Variants in MCMBP observed in about 807,000 individuals in gnomAD.
MCMBP encodes the protein mini-chromosome maintenance complex-binding protein.
Under a neutral mutation model 81.3 loss-of-function variants are expected in MCMBP, and 31 were observed. That is an observed-to-expected ratio of 0.38 (90% confidence interval 0.29 to 0.51). The LOEUF is 0.51. Among genes scored for constraint, MCMBP ranks in the 20% least tolerant of loss-of-function variants. MCMBP has a pLI of 0.87. For synonymous variants in MCMBP, 267 were observed against 275.9 expected (o/e 0.97, Z 0.32); for missense variants, 645 against 772.1 (o/e 0.84, Z 1.95).
chr10:119,832,404 A>G (rs568196264), intron 14 of MCMBP, among the ~76,000 whole-genome samples: 1 of 152,308 alleles, frequency 6.6e-6, no homozygotes, highest in African/African-American at 2.4e-5. Flanking sequence ...AACTGTCTCT[A>G]CTGTTAACAC....
intron 7 of MCMBP, among the ~76,000 whole-genome samples, chr10:119,848,352 C>T (rs1333719161): frequency 6.6e-6 from 1 of 152,110 alleles, no homozygotes; most frequent in Non-Finnish European, 1.5e-5. Flanking sequence ...TGGCTCACCC[C>T]TGGAATCCCA....
At chr10:119,836,811 ATT>A in intron 13 of MCMBP, 83 bp downstream of exon 13, 2 of 490,548 alleles carry the variant, frequency 4.1e-6, no homozygotes, top group Non-Finnish European at 3.2e-6. Context: ...AATGTAACTT[ATT>A]AATAAGCGGT....
intron 14 of MCMBP, among the ~76,000 whole-genome samples, chr10:119,832,844 G>A (rs1852095575): frequency 1.3e-5 from 2 of 152,172 alleles, no homozygotes; most frequent in African/African-American, 2.4e-5. Flanking sequence ...TAACAGCTGC[G>A]GCAGACAGAC....
Position 119,829,956 on chromosome 10 carries a change from A to AT in MCMBP, c.*1517dup, listed in dbSNP as rs1851942228. ...GCTCTAGGACAATTAAAGAAAATGTATTTTATCCTCACAAATCCAGTGAAG... is the reference window on the plus strand; with the variant it reads ...GCTCTAGGACAATTAAAGAAAATGTATTTTTATCCTCACAAATCCAGTGAAG... On this transcript the variant is annotated 3_prime_UTR_variant, in exon 16 of 16. Coordinates refer to ENST00000369077, the MANE Select transcript of MCMBP (RefSeq NM_001256378.2). The AT allele has an allele frequency of 6.6e-6, 1 of 152,660 alleles. No individual in the cohort carries two copies. The highest frequency in any genetic ancestry group is 1.5e-5 in the Non-Finnish European group (1 of 68,038). 9.5% of individuals were successfully genotyped at this position (152,660 alleles called of 1,614,324 possible). A position where few individuals can be genotyped will look rare whatever the true frequency, so the allele number is the denominator to read the frequency against.
intron 5 of MCMBP, 77 bp downstream of exon 5, chr10:119,857,261 C>G (rs1176220630): frequency 9.5e-7 from 1 of 1,055,896 alleles, no homozygotes; most frequent in Non-Finnish European, 1.4e-6. Flanking sequence ...TAAAGCCAAG[C>G]TTTGCAAAGG....
At chr10:119,843,585 T>TA (rs1244820598) in intron 8 of MCMBP, among the ~76,000 whole-genome samples, 159 bp from the exon 9 acceptor site, 3 of 152,230 alleles carry the variant, frequency 2.0e-5, no homozygotes, top group African/African-American at 7.2e-5. Flanking sequence ...TCTAAAGTGT[T>TA]ACATCACACA....
At chr10:119,847,098 CACT>C (rs1852643157) in intron 8 of MCMBP, among the ~76,000 whole-genome samples, 1 of 151,902 alleles carries the variant, frequency 6.6e-6, no homozygotes, top group African/African-American at 2.4e-5. Context: ...AAGAGAGTTA[CACT>C]AATACAGAAA....
At chr10:119,850,773 A>T (rs1412938187) in intron 6 of MCMBP, among the ~76,000 whole-genome samples, 1 of 151,822 alleles carries the variant, frequency 6.6e-6, no homozygotes. Flanking sequence ...AAGGAAAAAA[A>T]ATGATTGTAT....
chr10:119,865,695 C>A (rs534645760), intron 1 of MCMBP, among the ~76,000 whole-genome samples: 3 of 152,074 alleles, frequency 2.0e-5, no homozygotes, highest in Non-Finnish European at 2.9e-5. Flanking sequence ...TTATAACAGC[C>A]AGGAAATAAC....
chr10:119,855,967 G>A (rs1258165324), intron 5 of MCMBP, among the ~76,000 whole-genome samples: 2 of 152,114 alleles, frequency 1.3e-5, no homozygotes, highest in Non-Finnish European at 2.9e-5. Context: ...AGTCACTCCT[G>A]TAATCCCAGC....
Position 119,849,504 on chromosome 10 carries a change from A to G in MCMBP, c.647T>C (p.Leu216Pro), listed in dbSNP as rs746848525. ...LETEASTGQQ[L>P]NSLNLSSPFD... ...AGGAGAAGACAAGTTCAGAGAGTTC[A>G]GCTGTTGCCCAGTAGAAGCTTCAGT... Residue 216 changes from leucine to proline, a missense_variant, in exon 7 of 16, where the codon CTG becomes CCG. By Grantham distance (98) the Leu-to-Pro change is moderately conservative. Transcript: ENST00000369077. The G allele has an allele frequency of 9.9e-6, 16 of 1,610,876 alleles. No homozygotes were observed. The East Asian group carries it at 3.6e-4, about 36-fold the overall frequency.
At chr10:119,843,537 C>G in intron 8 of MCMBP, 111 bp from the exon 9 acceptor site, 1 of 987,086 alleles carries the variant, frequency 1.0e-6, no homozygotes, top group Non-Finnish European at 1.5e-6. Context: ...ATATTTCCAC[C>G]TGTACATCTC....
chr10:119,869,680 G>A (rs1052334777), intron 1 of MCMBP, among the ~76,000 whole-genome samples: 4 of 151,760 alleles, frequency 2.6e-5, no homozygotes, highest in African/African-American at 2.4e-5. Context: ...GCAGTGAGCC[G>A]AGATCACACT....
intron 1 of MCMBP, among the ~76,000 whole-genome samples, chr10:119,862,516 T>A (rs977013217): frequency 6.6e-6 from 1 of 152,226 alleles, no homozygotes; most frequent in African/African-American, 2.4e-5. Flanking sequence ...CCCAACACAT[T>A]TGTATATCAA....
At chr10:119,865,473 C>T (rs1026607722) in intron 1 of MCMBP, among the ~76,000 whole-genome samples, 1 of 152,164 alleles carries the variant, frequency 6.6e-6, no homozygotes, top group East Asian at 1.9e-4. Context: ...TACCTGTAAT[C>T]CCAGCTACTT....
intron 14 of MCMBP, among the ~76,000 whole-genome samples, chr10:119,834,426 CAT>C (rs1852161828): frequency 2.0e-5 from 3 of 152,084 alleles, no homozygotes; most frequent in Non-Finnish European, 4.4e-5. Context: ...GGTGGGAGGA[CAT>C]ATTCGAAATG....
At chr10:119,831,973 A>G (rs2134329691) in intron 15 of MCMBP, 39 bp downstream of exon 15, 1 of 1,562,942 alleles carries the variant, frequency 6.4e-7, no homozygotes, top group Non-Finnish European at 8.7e-7. Flanking sequence ...CATATACACA[A>G]GCTTACCGAA....
At chr10:119,860,370 C>A (rs1038695469) in intron 1 of MCMBP, among the ~76,000 whole-genome samples, 1 of 152,136 alleles carries the variant, frequency 6.6e-6, no homozygotes, top group East Asian at 1.9e-4. Context: ...CACCTGTATG[C>A]TTTGCCCCAT....
chr10:119,832,907 G>A (rs1388166949), intron 14 of MCMBP, among the ~76,000 whole-genome samples: 1 of 152,148 alleles, frequency 6.6e-6, no homozygotes, highest in Non-Finnish European at 1.5e-5. Context: ...TGTCTGTAGA[G>A]GGCTCTGAAA....
Sources: gnomAD v4.1 joint callset for allele counts (sites outside exome capture counted in the v4.1 genomes callset) on GRCh38, gnomAD v4.1.1 for gene constraint, MANE v1.5 for transcripts, NCBI Gene and HGNC (gene_info 2026-07-23, HGNC 2026-07-21) for gene names.